EML6: variants seen among roughly 807,000 people sequenced by gnomAD.
EML6 encodes echinoderm microtubule-associated protein-like 6.
In EML6, 154 loss-of-function variants were observed where a neutral mutation model predicts 240.1. That is an observed-to-expected ratio of 0.64 (90% CI 0.56 to 0.73). The LOEUF (loss-of-function observed/expected upper bound fraction) is 0.73. Among genes scored for constraint, EML6 ranks in the 30% least tolerant of loss-of-function variants. EML6 has a pLI of 0.00. For synonymous variants in EML6, 1,148 were observed against 899.0 expected (o/e 1.28, Z -4.95); for missense variants, 2,964 against 2,474.6 (o/e 1.20, Z -4.20).
At chr2:54,802,097 C>T (rs900383849) in intron 2 of EML6, among the ~76,000 whole-genome samples, 1 of 152,082 alleles carries the variant, frequency 6.6e-6, no homozygotes, top group African/African-American at 2.4e-5. Flanking sequence ...AGGCTAGGCA[C>T]GGTGCTGTTC....
intron 10 of EML6, among the ~76,000 whole-genome samples, chr2:54,852,380 CAT>C (rs1412026968): frequency 6.6e-6 from 1 of 152,168 alleles, no homozygotes; most frequent in Non-Finnish European, 1.5e-5. Flanking sequence ...GACGTTACTT[CAT>C]ATATTTTTTC....
At chr2:54,902,330 A>T (rs1193325249) in intron 22 of EML6, among the ~76,000 whole-genome samples, 1 of 152,208 alleles carries the variant, frequency 6.6e-6, no homozygotes, top group Non-Finnish European at 1.5e-5. Flanking sequence ...ATGAATGAAT[A>T]AACCTCATGG....
chr2:54,845,606 A>G (rs368552124), intron 8 of EML6, among the ~76,000 whole-genome samples: 59 of 152,324 alleles, frequency 3.9e-4, no homozygotes, highest in African/African-American at 1.4e-3. Flanking sequence ...AGTACCATTT[A>G]CTGAGGAGTG....
intron 7 of EML6, among the ~76,000 whole-genome samples, chr2:54,841,369 A>C (rs550974676): frequency 2.0e-5 from 3 of 152,334 alleles, no homozygotes; most frequent in African/African-American, 7.2e-5. Flanking sequence ...TGTAGCAATG[A>C]ATTCAGAGGA....
At chr2:54,886,519 G>A (rs574445140) in intron 17 of EML6, among the ~76,000 whole-genome samples, 32 of 152,222 alleles carry the variant, frequency 2.1e-4, no homozygotes, top group African/African-American at 7.5e-4. Context: ...TAGATCTGGT[G>A]AGAATGGAAA....
Position 54,962,519 on chromosome 2 carries a change from A to G in EML6, c.4969-4A>G. 6.5e-7 allele frequency: 1 copy of G among 1,540,804 alleles called. No homozygotes were observed. Among genetic ancestry groups the G allele is most frequent in the South Asian group, 1.2e-5 (1 of 81,286 alleles). ...TTTTTCTAATAGTGTTTCAATTACA[A>G]CAGGGAAAAATCTTAGTGGGAACCA... On this transcript the variant is annotated splice_region_variant and splice_polypyrimidine_tract_variant and intron_variant, in intron 35 of 41. Coordinates refer to ENST00000356458, the MANE Select transcript of EML6 (RefSeq NM_001039753.4).
intron 28 of EML6, among the ~76,000 whole-genome samples, chr2:54,939,109 T>G (rs1258148299): frequency 6.6e-6 from 1 of 152,278 alleles, no homozygotes; most frequent in Non-Finnish European, 1.5e-5. Flanking sequence ...AGATTTAGAT[T>G]CATTTTCATT....
At chr2:54,859,511 C>A in intron 11 of EML6, 23 bp from the exon 12 acceptor site, 2 of 1,540,716 alleles carry the variant, frequency 1.3e-6, no homozygotes, top group East Asian at 4.9e-5. Flanking sequence ...CATAACTAAT[C>A]CTCTCAAAAA....
chr2:54,789,428 G>A (rs1669283259), intron 2 of EML6, among the ~76,000 whole-genome samples: 1 of 147,688 alleles, frequency 6.8e-6, no homozygotes, highest in Admixed American at 6.9e-5. Flanking sequence ...GCAGGAGAAT[G>A]GCGTGAACCC....
intron 2 of EML6, among the ~76,000 whole-genome samples, chr2:54,735,396 T>C (rs1287387730): frequency 6.6e-6 from 1 of 152,244 alleles, no homozygotes; most frequent in East Asian, 1.9e-4. Flanking sequence ...GGAATAGGGG[T>C]GAGATTTCTA....
At chr2:54,759,703 A>T (rs1667891877) in intron 2 of EML6, among the ~76,000 whole-genome samples, 1 of 152,018 alleles carries the variant, frequency 6.6e-6, no homozygotes, top group Non-Finnish European at 1.5e-5. Flanking sequence ...CATCTTCATC[A>T]CCAAGCTAGC....
At chr2:54,917,261 A>G (rs935893297) in intron 26 of EML6, among the ~76,000 whole-genome samples, 4 of 151,920 alleles carry the variant, frequency 2.6e-5, no homozygotes, top group Non-Finnish European at 4.4e-5. Flanking sequence ...GAGGAACTTA[A>G]TATCACACAG....
At chr2:54,920,696 A>G (rs1316674384) in intron 26 of EML6, among the ~76,000 whole-genome samples, 11 of 152,170 alleles carry the variant, frequency 7.2e-5, no homozygotes, top group African/African-American at 2.2e-4. Context: ...CCAAAACCAG[A>G]TAAGGACATT....
At chr2:54,917,970 A>G (rs1424270570) in intron 26 of EML6, among the ~76,000 whole-genome samples, 1 of 152,148 alleles carries the variant, frequency 6.6e-6, no homozygotes, top group Non-Finnish European at 1.5e-5. Flanking sequence ...TTTGAGTTTT[A>G]CACTTGTGTT....
intron 2 of EML6, among the ~76,000 whole-genome samples, chr2:54,758,554 C>T (rs1433627087): frequency 1.3e-5 from 2 of 152,158 alleles, no homozygotes; most frequent in Non-Finnish European, 1.5e-5. Flanking sequence ...TCCCCCATTC[C>T]CTGTATTGTC....
At chr2:54,937,981 T>G (rs997400466) in intron 28 of EML6, among the ~76,000 whole-genome samples, 2 of 152,242 alleles carry the variant, frequency 1.3e-5, no homozygotes, top group Admixed American at 6.5e-5. Flanking sequence ...ATCCCACTTC[T>G]GACACCAATC....
At chr2:54,832,873 C>A (rs1480023310) in intron 7 of EML6, among the ~76,000 whole-genome samples, 2 of 152,114 alleles carry the variant, frequency 1.3e-5, no homozygotes, top group Non-Finnish European at 2.9e-5. Context: ...ACTTCCTTGC[C>A]CTCAGTTTGG....
intron 28 of EML6, among the ~76,000 whole-genome samples, chr2:54,945,420 G>T (rs982084112): frequency 1.3e-5 from 2 of 151,528 alleles, no homozygotes; most frequent in African/African-American, 4.9e-5. Context: ...ATTGTCTGAT[G>T]AACACGACTC....
chr2:54,864,270 G>T (rs1262017671), intron 13 of EML6, among the ~76,000 whole-genome samples: 1 of 152,146 alleles, frequency 6.6e-6, no homozygotes, highest in Non-Finnish European at 1.5e-5. Flanking sequence ...TACCCTTGAG[G>T]CATGGTGGTT....
Sources: gnomAD v4.1 joint callset for allele counts (sites outside exome capture counted in the v4.1 genomes callset) on GRCh38, gnomAD v4.1.1 for gene constraint, MANE v1.5 for transcripts, NCBI Gene and HGNC (gene_info 2026-07-23, HGNC 2026-07-21) for gene names.